TDP1: variants seen among roughly 807,000 people sequenced by gnomAD.
TDP1 encodes tyr-DNA phosphodiesterase 1.
Under a neutral mutation model 81.5 loss-of-function variants are expected in TDP1, and 64 were observed. The observed-to-expected ratio is 0.79, with a 90% CI of 0.64 to 0.97. The LOEUF is 0.97. Ranked by LOEUF, TDP1 falls within the 50% of genes least tolerant of loss-of-function variation. TDP1 has a pLI of 0.00. For synonymous variants in TDP1, 256 were observed against 264.3 expected (o/e 0.97, Z 0.30); for missense variants, 723 against 743.8 (o/e 0.97, Z 0.33).
intron 15 of TDP1, among the ~76,000 whole-genome samples, chr14:90,019,645 A>AC (rs1885734813): frequency 1.3e-5 from 2 of 150,790 alleles, no homozygotes; most frequent in Non-Finnish European, 2.9e-5. Flanking sequence ...TTGATTAGGA[A>AC]TTGACTGTGT....
chr14:89,982,652 T>C (rs1270885018), intron 8 of TDP1, among the ~76,000 whole-genome samples: 4 of 150,880 alleles, frequency 2.7e-5, no homozygotes, highest in African/African-American at 9.9e-5. Flanking sequence ...GTTTCTTTTA[T>C]TTAAAAAAAG....
At chr14:89,971,090 C>A in intron 5 of TDP1, 85 bp from the exon 6 acceptor site, 1 of 1,198,564 alleles carries the variant, frequency 8.3e-7, no homozygotes, top group Non-Finnish European at 1.2e-6. Flanking sequence ...CCTGCCTCGG[C>A]CTCCCAAGGT....
intron 3 of TDP1, chr14:89,964,742 G>A: frequency 3.2e-6 from 1 of 313,048 alleles, no homozygotes; most frequent in South Asian, 2.5e-5. Flanking sequence ...AATATTTAGA[G>A]AATTTTGCCA....
chr14:89,975,926 G>A (rs1894256264), intron 7 of TDP1, 111 bp downstream of exon 7: 5 of 855,174 alleles, frequency 5.8e-6, no homozygotes, highest in Non-Finnish European at 6.2e-6. Flanking sequence ...ATCTAGCACA[G>A]CGATGCTTAA....
intron 15 of TDP1, among the ~76,000 whole-genome samples, chr14:90,032,358 G>A (rs1236147497): frequency 1.3e-5 from 2 of 151,974 alleles, no homozygotes; most frequent in African/African-American, 4.8e-5. Flanking sequence ...TGTGTGGATG[G>A]GTGGACAGAA....
At chr14:90,011,993 T>G (rs192958620) in intron 14 of TDP1, among the ~76,000 whole-genome samples, 4 of 152,348 alleles carry the variant, frequency 2.6e-5, no homozygotes, top group Non-Finnish European at 5.9e-5. Flanking sequence ...TCCCATCACA[T>G]GCCTGGAAGC....
In TDP1 at chr14:90,003,094, T is replaced by C. The variant is rs555290515; in HGVS notation, c.1541+9611T>C. ...CTGGGACTACAGGCGCATGCCACCA[T>C]GCCCAGCTAATTTTTGTATTTTTAG... On this transcript the variant is annotated intron_variant, in intron 14 of 16. Transcript: ENST00000335725. 1.3e-3 allele frequency among the ~76,000 whole-genome samples: 192 copies of C among 152,160 alleles called. 2 individuals are homozygous for C. The highest frequency in any genetic ancestry group is 2.4e-3 in the Non-Finnish European group (160 of 67,984).
intron 14 of TDP1, among the ~76,000 whole-genome samples, chr14:89,999,484 G>A (rs1038069718): frequency 6.6e-6 from 1 of 152,068 alleles, no homozygotes; most frequent in Admixed American, 6.5e-5. Flanking sequence ...CAAAAGCTAC[G>A]TAAATTTAAC....
At chr14:89,967,301 AT>A in intron 4 of TDP1, 65 bp from the exon 5 acceptor site, 1 of 1,485,972 alleles carries the variant, frequency 6.7e-7, no homozygotes, top group South Asian at 1.1e-5. Context: ...TAACTAAACA[AT>A]TCTCCTTATG....
chr14:89,988,766 G>A (rs1437444559), intron 10 of TDP1, 139 bp from the exon 11 acceptor site: 1 of 1,519,532 alleles, frequency 6.6e-7, no homozygotes, highest in African/African-American at 1.4e-5. Context: ...TGTATGTGTG[G>A]GTATGAAATT....
chr14:89,963,947 TTGA>T (rs1414526768), intron 3 of TDP1, among the ~76,000 whole-genome samples: 5 of 152,218 alleles, frequency 3.3e-5, no homozygotes, highest in African/African-American at 9.6e-5. Flanking sequence ...AAGATGAAGC[TTGA>T]TGAGTAACAG....
chr14:89,969,444 C>G (rs557387021), intron 5 of TDP1, among the ~76,000 whole-genome samples: 85 of 152,226 alleles, frequency 5.6e-4, no homozygotes, highest in African/African-American at 2.0e-3. Flanking sequence ...TGTTCAGGTG[C>G]CATCTTTTTG....
chr14:90,013,130 G>A (rs551103866), intron 14 of TDP1, among the ~76,000 whole-genome samples: 7 of 152,340 alleles, frequency 4.6e-5, no homozygotes, highest in South Asian at 4.1e-4. Flanking sequence ...CAGAAGGGAC[G>A]TACTGTGTCT....
chr14:90,003,184 C>T (rs1021414243), intron 14 of TDP1, among the ~76,000 whole-genome samples: 3 of 152,204 alleles, frequency 2.0e-5, no homozygotes, highest in African/African-American at 7.2e-5. Context: ...GATCCGCCCG[C>T]CTTGGCCTCC....
At chr14:89,982,039 G>A (rs924219946) in intron 8 of TDP1, among the ~76,000 whole-genome samples, 14 of 152,024 alleles carry the variant, frequency 9.2e-5, no homozygotes, top group African/African-American at 2.7e-4. Context: ...AGTGCACTGC[G>A]CAGGACAAAT....
At chr14:89,960,833 G>A (rs1432145451) in intron 2 of TDP1, among the ~76,000 whole-genome samples, 1 of 152,220 alleles carries the variant, frequency 6.6e-6, no homozygotes, top group African/African-American at 2.4e-5. Flanking sequence ...TGTGAAAAGG[G>A]ATAGATACCT....
At chr14:89,988,811 GGCTTTCCAAGA>G (rs1209143889) in intron 10 of TDP1, 83 bp from the exon 11 acceptor site, 1 of 1,570,656 alleles carries the variant, frequency 6.4e-7, no homozygotes, top group African/African-American at 1.4e-5. Context: ...TTGTTAATTA[GGCTTTCCAAGA>G]GCAGAAAACT....
In TDP1 at chr14:89,988,723, A is replaced by G. The variant is rs530592882; in HGVS notation, c.1132-182A>G. On this transcript the variant is annotated intron_variant, in intron 10 of 16. Coordinates refer to ENST00000335725, the MANE Select transcript of TDP1 (RefSeq NM_018319.4). The stretch of plus-strand genomic sequence containing the variant: ...TCTACTCCATTAAAAATATGTTTTT[A>G]GTATTTAAAAAAAATTTCCCAAAGA... The G allele has an allele frequency of 1.8e-5, 18 of 981,670 alleles. No individual in the cohort carries two copies. In the South Asian group the frequency reaches 5.7e-4, roughly 31 times the overall value. 60.8% of individuals were successfully genotyped at this position (981,670 alleles called of 1,614,324 possible). A position where few individuals can be genotyped will look rare whatever the true frequency, so the allele number is the denominator to read the frequency against.
At chr14:89,977,384 G>A (rs948765334) in intron 7 of TDP1, among the ~76,000 whole-genome samples, 3 of 151,966 alleles carry the variant, frequency 2.0e-5, no homozygotes, top group African/African-American at 4.8e-5. Flanking sequence ...TACAACCTCC[G>A]CCTCCCAGGT....
Sources: allele counts gnomAD v4.1 joint callset (sites outside exome capture counted in the v4.1 genomes callset), GRCh38; gene constraint gnomAD v4.1.1; transcripts MANE v1.5; gene names NCBI Gene and HGNC (gene_info 2026-07-23, HGNC 2026-07-21).